Variants in PGM5 observed in about 807,000 individuals in gnomAD.
PGM5 encodes phosphoglucomutase 5, also known as phosphoglucomutase-like protein 5.
Under a neutral mutation model 59.2 loss-of-function variants are expected in PGM5, and 23 were observed. The ratio of observed to expected loss-of-function variants is 0.39; its 90% CI spans 0.28 to 0.55. PGM5 has a LOEUF of 0.55. Among genes scored for constraint, PGM5 ranks in the 20% least tolerant of loss-of-function variants. PGM5 has a pLI of 0.66. For missense variants in PGM5, 574 were observed against 748.3 expected (o/e 0.77, Z 2.72); for synonymous variants, 214 against 286.0 (o/e 0.75, Z 2.54).
intron 1 of PGM5, among the ~76,000 whole-genome samples, chr9:68,368,561 A>G (rs1217498577): frequency 6.6e-6 from 1 of 152,228 alleles, no homozygotes; most frequent in Non-Finnish European, 1.5e-5. Context: ...GAAGAAAGAC[A>G]TCGTTGATAT....
chr9:68,421,309 G>A (rs1364423324), intron 6 of PGM5, among the ~76,000 whole-genome samples: 7 of 152,184 alleles, frequency 4.6e-5, no homozygotes, highest in Admixed American at 4.6e-4. Context: ...AGCCTCAGAG[G>A]CTACAGCAGT....
intron 6 of PGM5, among the ~76,000 whole-genome samples, chr9:68,409,930 A>G (rs1347620227): frequency 6.6e-6 from 1 of 151,880 alleles, no homozygotes; most frequent in Non-Finnish European, 1.5e-5. Context: ...GAGGTGGTAC[A>G]TCTGACTTCG....
At chr9:68,438,677 A>G (rs1823479179) in intron 6 of PGM5, among the ~76,000 whole-genome samples, 1 of 152,212 alleles carries the variant, frequency 6.6e-6, no homozygotes. Flanking sequence ...AATTTAAGAC[A>G]CCAGTGAACT....
chr9:68,406,311 A>C (rs1324803364), intron 6 of PGM5: 2 of 151,706 alleles, frequency 1.3e-5, no homozygotes, highest in Non-Finnish European at 2.9e-5. Flanking sequence ...ACAGTTATGG[A>C]GGCTGAGAAG....
chr9:68,423,083 C>T (rs1029402558), intron 6 of PGM5, among the ~76,000 whole-genome samples: 5 of 152,152 alleles, frequency 3.3e-5, no homozygotes, highest in African/African-American at 1.2e-4. Context: ...AGTAGTATTC[C>T]ATTGTATATA....
chr9:68,407,465 A>G (rs1376170671), intron 6 of PGM5, among the ~76,000 whole-genome samples: 1 of 152,158 alleles, frequency 6.6e-6, no homozygotes, highest in Non-Finnish European at 1.5e-5. Flanking sequence ...TTTTTGATTA[A>G]TATCCTCTAA....
At chr9:68,432,756 C>A (rs1315966215) in intron 6 of PGM5, among the ~76,000 whole-genome samples, 1 of 151,936 alleles carries the variant, frequency 6.6e-6, no homozygotes, top group Non-Finnish European at 1.5e-5. Context: ...CAGGTGCCTG[C>A]CACCACACCT....
intron 10 of PGM5, among the ~76,000 whole-genome samples, chr9:68,523,240 G>A (rs1824924620): frequency 6.6e-6 from 1 of 152,192 alleles, no homozygotes; most frequent in Admixed American, 6.5e-5. Context: ...TTGGGCTGGA[G>A]CAAAGCATTT....
chr9:68,391,936 A>G (rs1158597458), intron 5 of PGM5, among the ~76,000 whole-genome samples: 39 of 152,152 alleles, frequency 2.6e-4, no homozygotes, highest in African/African-American at 8.4e-4. Context: ...ATGGCATACA[A>G]AGGTTGTTTA....
chr9:68,498,922 T>C (rs996277410), intron 9 of PGM5: 5 of 324,784 alleles, frequency 1.5e-5, no homozygotes, highest in Admixed American at 1.3e-4. Context: ...TTCATCCCTG[T>C]GACTTCCACT....
intron 6 of PGM5, among the ~76,000 whole-genome samples, chr9:68,457,859 G>A (rs1823802849): frequency 6.6e-6 from 1 of 151,080 alleles, no homozygotes. Flanking sequence ...ACAAAGCAAA[G>A]CAAAACAAAA....
intron 1 of PGM5, among the ~76,000 whole-genome samples, chr9:68,369,209 C>T (rs1834739028): frequency 6.6e-6 from 1 of 152,228 alleles, no homozygotes; most frequent in South Asian, 2.1e-4. Context: ...TACTTGCTTA[C>T]ATCCTCCATC....
chr9:68,509,320 G>A (rs991310343), intron 10 of PGM5, among the ~76,000 whole-genome samples: 5 of 152,174 alleles, frequency 3.3e-5, no homozygotes, highest in African/African-American at 4.8e-5. Context: ...AGCTGTTAAA[G>A]GTTTATACAA....
chr9:68,479,397 G>C (rs899204946), intron 7 of PGM5, 21 bp from the exon 8 acceptor site: 39 of 1,592,520 alleles, frequency 2.4e-5, no homozygotes, highest in Non-Finnish European at 3.2e-5. Context: ...ATGCTCAGCA[G>C]AATTTTTCTT....
At chr9:68,396,884 G>T (rs149643346) in intron 6 of PGM5, 2 of 152,320 alleles carry the variant, frequency 1.3e-5, no homozygotes, top group African/African-American at 4.8e-5. Context: ...GGACACAGTT[G>T]AGATCCATTA....
intron 6 of PGM5, among the ~76,000 whole-genome samples, chr9:68,403,785 G>A (rs1822735344): frequency 6.6e-6 from 1 of 152,124 alleles, no homozygotes; most frequent in Non-Finnish European, 1.5e-5. Context: ...TGGGGGTAGG[G>A]GTGGGGGTAG....
At chr9:68,524,475 A>T (rs1347945675) in intron 10 of PGM5, among the ~76,000 whole-genome samples, 1 of 152,220 alleles carries the variant, frequency 6.6e-6, no homozygotes, top group Non-Finnish European at 1.5e-5. Flanking sequence ...TAGGCACTCT[A>T]AAAAACACTG....
chr9:68,454,624 T>A (rs1564009847), intron 6 of PGM5, among the ~76,000 whole-genome samples: 1 of 152,138 alleles, frequency 6.6e-6, no homozygotes, highest in Non-Finnish European at 1.5e-5. Context: ...TAAGGAGACA[T>A]ATTATCATTC....
intron 6 of PGM5, chr9:68,464,543 A>C (rs1178329830): frequency 6.5e-6 from 1 of 152,704 alleles, no homozygotes; most frequent in Non-Finnish European, 1.5e-5. Flanking sequence ...TCTCTTTGGC[A>C]GAGAACAGGG....
Sources: allele counts gnomAD v4.1 joint callset (sites outside exome capture counted in the v4.1 genomes callset), GRCh38; gene constraint gnomAD v4.1.1; transcripts MANE v1.5; gene names NCBI Gene and HGNC (gene_info 2026-07-23, HGNC 2026-07-21).